The following RPH3A variants were observed in gnomAD, a reference collection of about 807,000 sequenced individuals.
RPH3A encodes rabphilin-3A.
A neutral mutation model predicts 102.2 loss-of-function variants in RPH3A; 48 were observed. The ratio of observed to expected loss-of-function variants is 0.47; its 90% CI spans 0.37 to 0.60. The LOEUF is 0.60. Among genes scored for constraint, RPH3A ranks in the 20% least tolerant of loss-of-function variants. The pLI is 0.00. For missense variants in RPH3A, 781 were observed against 910.1 expected, an observed-to-expected ratio of 0.86 and a Z score of 1.83; for synonymous variants, 310 against 324.3, an observed-to-expected ratio of 0.96 and a Z score of 0.47.
intron 1 of RPH3A, among the ~76,000 whole-genome samples, chr12:112,677,352 TC>T (rs1230234218): frequency 1.3e-4 from 5 of 38,400 alleles, no homozygotes; most frequent in Non-Finnish European, 2.1e-4. Flanking sequence ...CTTCCCTTCC[TC>T]CCTCCCTCCC....
At chr12:112,667,104 C>A (rs2040088261) in intron 1 of RPH3A, among the ~76,000 whole-genome samples, 1 of 152,180 alleles carries the variant, frequency 6.6e-6, no homozygotes, top group African/African-American at 2.4e-5. Context: ...TCCTTAAAAG[C>A]AGAGTGCCTC....
In RPH3A at chr12:112,869,888, T is replaced by C; in HGVS notation, c.650-5T>C. ...TCTCTACTCAATTCATGCTCTTCTTTCCAGGCCCTGACCCAGCCTCTGCTC... is the reference window on the plus strand; with the variant it reads ...TCTCTACTCAATTCATGCTCTTCTTCCCAGGCCCTGACCCAGCCTCTGCTC... On this transcript the variant is annotated splice_region_variant and splice_polypyrimidine_tract_variant and intron_variant, in intron 9 of 21. Coordinates refer to ENST00000389385, the MANE Select transcript of RPH3A (RefSeq NM_001143854.2). The C allele has an allele frequency of 1.2e-6, 2 of 1,614,122 alleles. No homozygotes were observed. The highest frequency in any genetic ancestry group is 1.7e-6 in the Non-Finnish European group (2 of 1,179,976).
At chr12:112,713,008 TTCCTCTTCC>T (rs1226036092) in intron 1 of RPH3A, among the ~76,000 whole-genome samples, 16 of 74,452 alleles carry the variant, frequency 2.1e-4, no homozygotes, top group African/African-American at 6.4e-4. Context: ...CCTCTTCCTC[TTCCTCTTCC>T]TCTTCCTCTT....
intron 1 of RPH3A, among the ~76,000 whole-genome samples, chr12:112,689,515 C>T (rs1431700669): frequency 6.6e-6 from 1 of 152,150 alleles, no homozygotes; most frequent in Non-Finnish European, 1.5e-5. Context: ...GATTTGTAAC[C>T]TCTGATTTGG....
intron 6 of RPH3A, 135 bp from the exon 7 acceptor site, chr12:112,866,622 G>A (rs945236667): frequency 1.4e-5 from 9 of 661,866 alleles, no homozygotes; most frequent in East Asian, 8.5e-5. Flanking sequence ...AACTGGCCTT[G>A]CTCATAGAAG....
At chr12:112,866,686 TG>T (rs1565929507) in intron 6 of RPH3A, 70 bp from the exon 7 acceptor site, 4 of 1,256,052 alleles carry the variant, frequency 3.2e-6, no homozygotes, top group South Asian at 1.3e-5. Context: ...CAAGAGAAAG[TG>T]GGGGGCTACG....
At chr12:112,616,410 G>A (rs534224556) in intron 1 of RPH3A, among the ~76,000 whole-genome samples, 5 of 152,322 alleles carry the variant, frequency 3.3e-5, no homozygotes, top group African/African-American at 1.2e-4. Context: ...GCCTCCCAAA[G>A]TGCTGGGATT....
intron 5 of RPH3A, 148 bp downstream of exon 5, chr12:112,847,990 C>G: frequency 1.3e-6 from 1 of 760,036 alleles, no homozygotes. Context: ...CCCCGCCCCA[C>G]CCCCTTCCCC....
intron 5 of RPH3A, among the ~76,000 whole-genome samples, chr12:112,854,641 A>G (rs2042378550): frequency 6.6e-6 from 1 of 152,044 alleles, no homozygotes; most frequent in African/African-American, 2.4e-5. Flanking sequence ...ATTTATCTCC[A>G]AGCCCTGTGC....
chr12:112,768,940 C>G (rs12312221), intron 1 of RPH3A, among the ~76,000 whole-genome samples: 17,013 of 151,990 alleles, frequency 0.11, 1,002 homozygotes, highest in Middle Eastern at 0.15. Flanking sequence ...ATATGAAAAA[C>G]AAAAAAACCT....
intron 20 of RPH3A, chr12:112,895,435 A>G (rs10774668): frequency 0.32 from 65,900 of 203,344 alleles, 12,650 homozygotes; most frequent in East Asian, 0.52. Context: ...GCAATAAAAA[A>G]GGGGATGCCC....
intron 1 of RPH3A, among the ~76,000 whole-genome samples, chr12:112,650,064 C>A (rs2039963300): frequency 6.6e-6 from 1 of 152,216 alleles, no homozygotes; most frequent in South Asian, 2.1e-4. Flanking sequence ...CAGCTTTTAG[C>A]ACCACCATTA....
intron 1 of RPH3A, among the ~76,000 whole-genome samples, chr12:112,747,784 TAGA>T (rs887516874): frequency 6.6e-6 from 1 of 152,210 alleles, no homozygotes; most frequent in African/African-American, 2.4e-5. Flanking sequence ...ATCAGGAATA[TAGA>T]AGTTTATTTC....
rs146867751 is a variant in RPH3A, at chr12:112,673,751, G to C, written c.-140+98432G>C. Among the ~76,000 whole-genome samples the C allele has an allele frequency of 3.7e-3, 565 of 152,152 alleles. 5 individuals are homozygous for C. The highest frequency in any genetic ancestry group is 0.013 in the African/African-American group (540 of 41,500). The stretch of plus-strand genomic sequence containing the variant: ...TATTATTGACTATAGTCACCCTCTT[G>C]TGCTATCAAATCGTAGGTCTTACTC... On this transcript the variant is annotated intron_variant, in intron 1 of 21. Coordinates refer to the RPH3A transcript ENST00000543106.
intron 8 of RPH3A, 150 bp from the exon 9 acceptor site, chr12:112,869,609 G>A: frequency 1.4e-6 from 1 of 728,544 alleles, no homozygotes; most frequent in Non-Finnish European, 2.3e-6. Context: ...ACAGGAGCTA[G>A]ATCAAAGAGG....
At chr12:112,782,665 T>A (rs1449502831) in intron 1 of RPH3A, among the ~76,000 whole-genome samples, 4 of 152,242 alleles carry the variant, frequency 2.6e-5, no homozygotes, top group Non-Finnish European at 5.9e-5. Context: ...ACTGTATTTA[T>A]GAATGGAGTC....
intron 1 of RPH3A, among the ~76,000 whole-genome samples, chr12:112,724,932 G>A (rs998606597): frequency 2.6e-5 from 4 of 151,304 alleles, no homozygotes; most frequent in East Asian, 1.9e-4. Flanking sequence ...TTGTGCCACC[G>A]CACTCCAGCC....
chr12:112,707,666 A>C (rs16942179), intron 1 of RPH3A, among the ~76,000 whole-genome samples: 6,473 of 152,332 alleles, frequency 0.042, 269 homozygotes, highest in South Asian at 0.17. Context: ...TGTTTACATC[A>C]TTGGGTATTT....
At chr12:112,636,799 T>C (rs928866384) in intron 1 of RPH3A, among the ~76,000 whole-genome samples, 1 of 152,130 alleles carries the variant, frequency 6.6e-6, no homozygotes, top group Non-Finnish European at 1.5e-5. Flanking sequence ...CTCAGCCCTT[T>C]CACACACTCT....
Sources: gnomAD v4.1 joint callset for allele counts (sites outside exome capture counted in the v4.1 genomes callset) on GRCh38, gnomAD v4.1.1 for gene constraint, MANE v1.5 for transcripts, NCBI Gene and HGNC (gene_info 2026-07-23, HGNC 2026-07-21) for gene names.